Variants in PARD3 observed in about 807,000 individuals in gnomAD.
PARD3 encodes partitioning defective 3 homolog.
Under a neutral mutation model 155.4 loss-of-function variants are expected in PARD3, and 75 were observed. The ratio of observed to expected loss-of-function variants is 0.48; its 90% CI spans 0.40 to 0.58. The LOEUF (loss-of-function observed/expected upper bound fraction) is 0.58, where lower values mean the gene tolerates loss of function less well. Among genes scored for constraint, PARD3 ranks in the 20% least tolerant of loss-of-function variants. The pLI, the probability that PARD3 is intolerant of heterozygous loss-of-function variation, is 0.00. For missense variants in PARD3, 1,642 were observed against 1,721.7 expected, an observed-to-expected ratio of 0.95 and a Z score of 0.82; for synonymous variants, 576 against 610.5, an observed-to-expected ratio of 0.94 and a Z score of 0.83.
chr10:34,229,307 C>T (rs1221318989), intron 22 of PARD3, among the ~76,000 whole-genome samples: 2 of 152,114 alleles, frequency 1.3e-5, no homozygotes, highest in African/African-American at 2.4e-5. Flanking sequence ...CAGCCTTGAA[C>T]TCCTGGGCTC....
chr10:34,278,271 C>A (rs1454456547), intron 21 of PARD3, among the ~76,000 whole-genome samples: 2 of 152,110 alleles, frequency 1.3e-5, no homozygotes, highest in African/African-American at 4.8e-5. Context: ...TGGTATCGAA[C>A]TCCTGGCCTC....
At chr10:34,656,851 G>A (rs932534472) in intron 2 of PARD3, among the ~76,000 whole-genome samples, 3 of 152,142 alleles carry the variant, frequency 2.0e-5, no homozygotes, top group African/African-American at 7.2e-5. Flanking sequence ...CCTTGTTAGC[G>A]CTCTTGTATT....
At chr10:34,607,773 C>T (rs905314367) in intron 2 of PARD3, among the ~76,000 whole-genome samples, 8 of 152,176 alleles carry the variant, frequency 5.3e-5, no homozygotes, top group African/African-American at 1.7e-4. Flanking sequence ...TCAACTCCCA[C>T]GCCATTCTGT....
rs745820577 is a variant in PARD3 at position 34,348,133 on chromosome 10, T to TG, written c.2068-19dup. ...GACTTCAGCTACAGAGTAACGGGTA[T>TG]GGGGGCAAAGAAAAATCAGTACCTG... On this transcript the variant is annotated intron_variant, in intron 14 of 24. Transcript: ENST00000374788. 2.5e-6 allele frequency: 4 copies of TG among 1,581,300 alleles called. No individual in the cohort carries two copies. Among genetic ancestry groups the TG allele is most frequent in the South Asian group, 1.2e-5 (1 of 84,810 alleles).
intron 1 of PARD3, among the ~76,000 whole-genome samples, chr10:34,786,853 C>T (rs1841022784): frequency 6.6e-6 from 1 of 152,002 alleles, no homozygotes; most frequent in South Asian, 2.1e-4. Context: ...TTTTGGAAGG[C>T]CAAAAATGGC....
intron 2 of PARD3, chr10:34,676,138 A>C (rs2093701631): frequency 6.6e-6 from 1 of 152,376 alleles, no homozygotes; most frequent in Admixed American, 6.5e-5. Flanking sequence ...GCATGGTCTC[A>C]ATTCTCTTGA....
chr10:34,247,621 A>C (rs941313131), intron 22 of PARD3, among the ~76,000 whole-genome samples: 2 of 152,162 alleles, frequency 1.3e-5, no homozygotes, highest in Non-Finnish European at 2.9e-5. Context: ...CATAAAGAAA[A>C]ACAGGAACAT....
At chr10:34,390,247 G>C (rs1194647059) in intron 7 of PARD3, among the ~76,000 whole-genome samples, 1 of 151,776 alleles carries the variant, frequency 6.6e-6, no homozygotes, top group Non-Finnish European at 1.5e-5. Flanking sequence ...ATGTGTATTG[G>C]GATTCTCAAT....
chr10:34,284,488 T>C (rs1051014148), intron 20 of PARD3, among the ~76,000 whole-genome samples: 3 of 152,192 alleles, frequency 2.0e-5, no homozygotes, highest in African/African-American at 7.2e-5. Context: ...GTTTTTCCTT[T>C]AGCAAAACAA....
At position 34,732,611 on chromosome 10, in the gene PARD3, T is replaced by C. The variant is rs183046653; in HGVS notation, c.121-36192A>G. On this transcript the variant is annotated intron_variant, in intron 1 of 24. Coordinates refer to ENST00000374788, the MANE Select transcript of PARD3 (RefSeq NM_001184785.2). The stretch of plus-strand genomic sequence containing the variant: ...TGTTTGGGAGGCTGAGGCGGGAGGG[T>C]TGCTTGAACCCAGGAGTTTGGGGCT... Among the ~76,000 whole-genome samples the C allele has an allele frequency of 6.1e-4, 93 of 152,072 alleles. 1 individual carries two copies. Among genetic ancestry groups the C allele is most frequent in the African/African-American group, 2.0e-3 (82 of 41,488 alleles).
chr10:34,143,354 G>A (rs575648349), intron 22 of PARD3, among the ~76,000 whole-genome samples: 8 of 152,088 alleles, frequency 5.3e-5, no homozygotes, highest in African/African-American at 1.9e-4. Flanking sequence ...AAAAGGCAAT[G>A]GAAATTAAAT....
Position 34,316,977 on chromosome 10 carries a change from C to T in PARD3, c.3065+130G>A, listed in dbSNP as rs1958047252. 4.2e-6 allele frequency: 3 copies of T among 710,774 alleles called. No individual in the cohort carries two copies. The East Asian group carries it at 9.2e-5, about 22-fold the overall frequency. The allele number at this position is 710,774 out of a possible 1,614,324, so 44.0% of individuals were successfully genotyped here. A position where few individuals can be genotyped will look rare whatever the true frequency, so the allele number is the denominator to read the frequency against. On this transcript the variant is annotated intron_variant, in intron 20 of 24. Coordinates refer to ENST00000374788, the MANE Select transcript of PARD3 (RefSeq NM_001184785.2). ...TTTGGAATCCTGGGCTCCAGCATTC[C>T]TCCCAGTTCAGCCTCCCAAGTAGCT...
At chr10:34,400,773 A>G (rs1178712364) in intron 6 of PARD3, among the ~76,000 whole-genome samples, 1 of 152,166 alleles carries the variant, frequency 6.6e-6, no homozygotes, top group East Asian at 1.9e-4. Context: ...ACTAATTAAG[A>G]CAACATAAAA....
chr10:34,244,463 A>G (rs1378258036), intron 22 of PARD3, among the ~76,000 whole-genome samples: 1 of 152,204 alleles, frequency 6.6e-6, no homozygotes, highest in Non-Finnish European at 1.5e-5. Context: ...TTTCCTTTTG[A>G]TACCTGTTCT....
At chr10:34,236,586 G>A (rs1002979743) in intron 22 of PARD3, among the ~76,000 whole-genome samples, 1 of 152,072 alleles carries the variant, frequency 6.6e-6, no homozygotes, top group African/African-American at 2.4e-5. Flanking sequence ...TGGTATTATG[G>A]AAAAATTGTC....
At chr10:34,801,795 A>T (rs1401170156) in intron 1 of PARD3, among the ~76,000 whole-genome samples, 1 of 152,196 alleles carries the variant, frequency 6.6e-6, no homozygotes, top group African/African-American at 2.4e-5. Flanking sequence ...TTATGGGCAC[A>T]TGAATTATAG....
At chr10:34,165,976 C>CTATT (rs1484400335) in intron 22 of PARD3, among the ~76,000 whole-genome samples, 1 of 152,198 alleles carries the variant, frequency 6.6e-6, no homozygotes, top group Non-Finnish European at 1.5e-5. Context: ...TAACCTTCCT[C>CTATT]TATTTCTATT....
chr10:34,589,361 G>A (rs541003511), intron 2 of PARD3, among the ~76,000 whole-genome samples: 1 of 152,188 alleles, frequency 6.6e-6, no homozygotes, highest in South Asian at 2.1e-4. Context: ...GACTGTATTT[G>A]GAAATAGTCT....
chr10:34,639,395 T>A (rs1043896281), intron 2 of PARD3, among the ~76,000 whole-genome samples: 3 of 150,266 alleles, frequency 2.0e-5, no homozygotes, highest in Non-Finnish European at 3.0e-5. Flanking sequence ...AAAAAAAAAA[T>A]AAAATACATA....
Sources: allele counts gnomAD v4.1 joint callset (sites outside exome capture counted in the v4.1 genomes callset), GRCh38; gene constraint gnomAD v4.1.1; transcripts MANE v1.5; gene names NCBI Gene and HGNC (gene_info 2026-07-23, HGNC 2026-07-21).